KIF26B: variants seen among roughly 807,000 people sequenced by gnomAD.
KIF26B encodes kinesin family member 26B.
Under a neutral mutation model 151.2 loss-of-function variants are expected in KIF26B, and 63 were observed. The observed-to-expected ratio is 0.42, with a 90% CI of 0.34 to 0.51. The LOEUF (loss-of-function observed/expected upper bound fraction) is 0.51. KIF26B is among the 20% of genes least tolerant of loss of function. The pLI is 0.07. For synonymous variants in KIF26B, 1,357 were observed against 1,262.1 expected, an observed-to-expected ratio of 1.08 and a Z score of -1.59; for missense variants, 2,813 against 2,913.6, an observed-to-expected ratio of 0.97 and a Z score of 0.79.
At chr1:245,612,731 A>G (rs2043541667) in intron 9 of KIF26B, among the ~76,000 whole-genome samples, 1 of 152,168 alleles carries the variant, frequency 6.6e-6, no homozygotes. Context: ...TTAAAATAGC[A>G]TAGAAATCAG....
chr1:245,304,635 ATCTG>A (rs557547316), intron 2 of KIF26B, among the ~76,000 whole-genome samples: 97 of 152,210 alleles, frequency 6.4e-4, no homozygotes, highest in Middle Eastern at 3.4e-3. Flanking sequence ...CCTTTCTTTT[ATCTG>A]TCTATCTATC....
At chr1:245,390,933 A>C (rs796998201) in intron 3 of KIF26B, among the ~76,000 whole-genome samples, 2 of 93,236 alleles carry the variant, frequency 2.1e-5, no homozygotes, top group African/African-American at 2.0e-4. Flanking sequence ...AAAAAAAAAA[A>C]AAAAAAAAAA....
At chr1:245,690,617 T>C (rs1363919887) in intron 12 of KIF26B, among the ~76,000 whole-genome samples, 3 of 152,224 alleles carry the variant, frequency 2.0e-5, no homozygotes, top group Non-Finnish European at 2.9e-5. Context: ...TGTAGTTTTA[T>C]GATATAGACA....
intron 2 of KIF26B, among the ~76,000 whole-genome samples, chr1:245,176,716 A>T (rs1482284455): frequency 6.6e-6 from 1 of 152,212 alleles, no homozygotes; most frequent in Non-Finnish European, 1.5e-5. Flanking sequence ...AGTGGAAGGA[A>T]CATGGCTCAC....
chr1:245,608,315 C>G (rs1283002963), intron 7 of KIF26B, among the ~76,000 whole-genome samples: 1 of 152,218 alleles, frequency 6.6e-6, no homozygotes, highest in Non-Finnish European at 1.5e-5. Flanking sequence ...CATCTGCTCC[C>G]CAGGCCTTGC....
chr1:245,625,206 C>A (rs1241332812), intron 9 of KIF26B, among the ~76,000 whole-genome samples: 1 of 152,090 alleles, frequency 6.6e-6, no homozygotes, highest in African/African-American at 2.4e-5. Flanking sequence ...AACCTTCCAA[C>A]TTTGTTCTTA....
At chr1:245,411,336 C>T (rs918713575) in intron 3 of KIF26B, among the ~76,000 whole-genome samples, 9 of 152,066 alleles carry the variant, frequency 5.9e-5, no homozygotes, top group African/African-American at 1.2e-4. Flanking sequence ...TCAGGAAGCA[C>T]GGGAAGAAAG....
intron 10 of KIF26B, 49 bp from the exon 11 acceptor site, chr1:245,684,184 C>T: frequency 3.2e-6 from 5 of 1,585,212 alleles, no homozygotes; most frequent in Middle Eastern, 3.4e-4. Flanking sequence ...CCCTGAGGGC[C>T]ACAGGGAAGC....
intron 2 of KIF26B, among the ~76,000 whole-genome samples, chr1:245,177,867 G>A (rs1004429051): frequency 3.9e-5 from 6 of 152,150 alleles, no homozygotes; most frequent in African/African-American, 1.2e-4. Context: ...GTTTTTAGCC[G>A]AGAAAATGAA....
At chr1:245,655,440 C>T (rs1373247100) in intron 10 of KIF26B, among the ~76,000 whole-genome samples, 4 of 152,176 alleles carry the variant, frequency 2.6e-5, no homozygotes, top group African/African-American at 4.8e-5. Context: ...AGATAATTAC[C>T]GTCTATCGAA....
intron 3 of KIF26B, among the ~76,000 whole-genome samples, chr1:245,415,516 T>C (rs1380857647): frequency 6.6e-6 from 1 of 152,008 alleles, no homozygotes; most frequent in African/African-American, 2.4e-5. Flanking sequence ...TGCATACCAG[T>C]GTATGCGGGA....
intron 2 of KIF26B, among the ~76,000 whole-genome samples, chr1:245,290,843 C>T (rs1210114038): frequency 6.6e-6 from 1 of 152,192 alleles, no homozygotes; most frequent in Non-Finnish European, 1.5e-5. Context: ...CAAACCACTG[C>T]AAAACTTAGT....
At chr1:245,622,098 GC>G (rs869273411) in intron 9 of KIF26B, among the ~76,000 whole-genome samples, 2 of 137,236 alleles carry the variant, frequency 1.5e-5, no homozygotes. Flanking sequence ...ATATAATTAG[GC>G]TGCAAAACAG....
At chr1:245,159,191 A>C (rs981047995) in intron 2 of KIF26B, among the ~76,000 whole-genome samples, 1 of 152,204 alleles carries the variant, frequency 6.6e-6, no homozygotes, top group Non-Finnish European at 1.5e-5. Flanking sequence ...GTAATTAACA[A>C]AAATCATCTG....
intron 4 of KIF26B, among the ~76,000 whole-genome samples, chr1:245,458,974 G>A (rs765173005): frequency 1.3e-5 from 2 of 152,208 alleles, no homozygotes; most frequent in Non-Finnish European, 2.9e-5. Context: ...TCAATGTTTG[G>A]AACAGTTGGT....
intron 2 of KIF26B, among the ~76,000 whole-genome samples, chr1:245,295,601 T>A (rs1671322857): frequency 6.6e-6 from 1 of 152,148 alleles, no homozygotes; most frequent in South Asian, 2.1e-4. Flanking sequence ...TGTTGACGCA[T>A]TTGCACACAT....
chr1:245,685,546 T>G lies in KIF26B; in HGVS notation c.2563T>G (p.Ser855Ala). 6.2e-7 allele frequency: 1 copy of G among 1,613,684 alleles called. No homozygotes were observed. The highest frequency in any genetic ancestry group is 2.2e-5 in the East Asian group (1 of 44,846). ...TCACCTGTCCAGCGACCCCGACTAC[T>G]CCTCCAGCAGCGAGCAGTCCTGCGA... Reference protein sequence around the residue: ...IAHLSSDPDYSSSSEQSCDTV... With the variant: ...IAHLSSDPDYASSSEQSCDTV... Residue 855 changes from serine (S) to alanine (A), a missense_variant, in exon 12 of 15, where the codon TCC (serine) becomes GCC (alanine). Physicochemically the swap from Ser to Ala is moderately conservative, Grantham distance 99. Around this residue, in one of 3 missense-constraint regions of KIF26B, gnomAD observed 2,060 missense variants for 2,088.6 expected, o/e 0.99. Transcript: ENST00000407071.
At chr1:245,605,093 A>T (rs1412960676) in intron 6 of KIF26B, among the ~76,000 whole-genome samples, 1 of 152,122 alleles carries the variant, frequency 6.6e-6, no homozygotes, top group Non-Finnish European at 1.5e-5. Flanking sequence ...GCCTCAGGCG[A>T]GTCACTCAAC....
At chr1:245,633,288 TTTTTTTA>T (rs2043800989) in intron 9 of KIF26B, among the ~76,000 whole-genome samples, 1 of 151,762 alleles carries the variant, frequency 6.6e-6, no homozygotes, top group South Asian at 2.1e-4. Context: ...GTCTTTTTTT[TTTTTTTA>T]AATAAATCCA....
Sources: allele counts gnomAD v4.1 joint callset (sites outside exome capture counted in the v4.1 genomes callset), GRCh38; gene constraint gnomAD v4.1.1; regional missense constraint gnomAD v4.1.1; transcripts MANE v1.5; gene names NCBI Gene and HGNC (gene_info 2026-07-23, HGNC 2026-07-21).